IQCM: variants seen among roughly 807,000 people sequenced by gnomAD.
IQCM encodes the protein IQ domain-containing protein M.
IQCM carries 45 observed loss-of-function variants against 57.6 expected under a neutral mutation model. That is an observed-to-expected ratio of 0.78 (90% CI 0.62 to 1.00). IQCM has a LOEUF of 1.00. Ranked by LOEUF, IQCM falls within the 50% of genes least tolerant of loss-of-function variation. The pLI is 0.00. For synonymous variants in IQCM, 148 were observed against 158.9 expected (o/e 0.93, Z 0.51); for missense variants, 468 against 511.6 (o/e 0.91, Z 0.82).
intron 5 of IQCM, among the ~76,000 whole-genome samples, chr4:149,707,296 T>A (rs1345979076): frequency 2.6e-5 from 4 of 152,102 alleles, no homozygotes; most frequent in Admixed American, 6.6e-5. Flanking sequence ...ACTTCCTCAC[T>A]TGCTAAAAAC....
chr4:149,500,104 C>A (rs1743087340), intron 12 of IQCM, among the ~76,000 whole-genome samples: 2 of 152,106 alleles, frequency 1.3e-5, no homozygotes, highest in Non-Finnish European at 2.9e-5. Context: ...TGTCCAAATA[C>A]AATTTGGTTA....
intron 6 of IQCM, among the ~76,000 whole-genome samples, 185 bp downstream of exon 6, chr4:149,686,193 T>C (rs1474927493): frequency 6.6e-6 from 1 of 151,464 alleles, no homozygotes; most frequent in Non-Finnish European, 1.5e-5. Context: ...GTTCAAAAGT[T>C]AATTGAACTG....
At chr4:149,353,096 C>T (rs1344433481) in intron 13 of IQCM, among the ~76,000 whole-genome samples, 1 of 152,014 alleles carries the variant, frequency 6.6e-6, no homozygotes, top group Non-Finnish European at 1.5e-5. Flanking sequence ...CTTATAACAA[C>T]AAGATTAAAT....
chr4:149,487,533 C>T (rs1035471040), intron 12 of IQCM, among the ~76,000 whole-genome samples: 8 of 152,094 alleles, frequency 5.3e-5, no homozygotes, highest in African/African-American at 1.7e-4. Context: ...TCCTAGGCTG[C>T]ATTTTAAGTT....
At chr4:149,587,585 A>T (rs1752758069) in intron 9 of IQCM, among the ~76,000 whole-genome samples, 1 of 151,852 alleles carries the variant, frequency 6.6e-6, no homozygotes, top group African/African-American at 2.4e-5. Flanking sequence ...AAACAAAAAA[A>T]AATAGCTAAA....
intron 7 of IQCM, among the ~76,000 whole-genome samples, chr4:149,629,864 T>G (rs1757108846): frequency 1.3e-5 from 2 of 152,122 alleles, no homozygotes; most frequent in African/African-American, 4.8e-5. Flanking sequence ...GAGAACATTT[T>G]GTATTTGCAA....
intron 7 of IQCM, among the ~76,000 whole-genome samples, chr4:149,661,395 C>T (rs1021739769): frequency 6.6e-6 from 1 of 152,090 alleles, no homozygotes; most frequent in Non-Finnish European, 1.5e-5. Flanking sequence ...CTATGTTCGT[C>T]AAGGATATTG....
chr4:149,503,147 G>A (rs1239841245), intron 12 of IQCM, among the ~76,000 whole-genome samples: 1 of 152,016 alleles, frequency 6.6e-6, no homozygotes, highest in Non-Finnish European at 1.5e-5. Context: ...CTTGAGCCCA[G>A]AAGTTCGAGG....
At chr4:149,754,522 T>G (rs1486695352) in intron 2 of IQCM, among the ~76,000 whole-genome samples, 1 of 152,212 alleles carries the variant, frequency 6.6e-6, no homozygotes, top group Admixed American at 6.5e-5. Flanking sequence ...TTCATGCTGT[T>G]AAATCTAATT....
intron 2 of IQCM, among the ~76,000 whole-genome samples, chr4:149,761,428 G>A (rs1769502541): frequency 6.6e-6 from 1 of 151,896 alleles, no homozygotes; most frequent in Admixed American, 6.6e-5. Flanking sequence ...CCTTAGTTTT[G>A]CTCATGCTGC....
At chr4:149,617,691 A>T (rs540517912) in intron 8 of IQCM, among the ~76,000 whole-genome samples, 1 of 152,348 alleles carries the variant, frequency 6.6e-6, no homozygotes, top group Admixed American at 6.5e-5. Context: ...TACAAAAATT[A>T]GCAGCATTTC....
chr4:149,382,560 G>A (rs1168048638), intron 13 of IQCM, among the ~76,000 whole-genome samples: 1 of 151,926 alleles, frequency 6.6e-6, no homozygotes, highest in African/African-American at 2.4e-5. Flanking sequence ...TTCTCTAGTA[G>A]CAGAATAAGT....
At chr4:149,434,126 C>T (rs1735130648) in intron 12 of IQCM, among the ~76,000 whole-genome samples, 2 of 152,144 alleles carry the variant, frequency 1.3e-5, no homozygotes, top group Middle Eastern at 3.4e-3. Flanking sequence ...CATAACATAC[C>T]TGTAAGGTAA....
chr4:149,402,493 A>G (rs1441580977), intron 13 of IQCM, among the ~76,000 whole-genome samples: 1 of 151,838 alleles, frequency 6.6e-6, no homozygotes, highest in Non-Finnish European at 1.5e-5. Context: ...ACTCTAGGCC[A>G]TGATCAATTA....
At chr4:149,523,405 G>T (rs1024748139) in intron 12 of IQCM, among the ~76,000 whole-genome samples, 1 of 152,134 alleles carries the variant, frequency 6.6e-6, no homozygotes, top group Non-Finnish European at 1.5e-5. Context: ...TCCTCAGGTT[G>T]TCAGGAGAAA....
At position 149,570,013 on chromosome 4, in the gene IQCM, C is replaced by T. The variant is rs187127636; in HGVS notation, c.750-6123G>A. 3.0e-4 allele frequency among the ~76,000 whole-genome samples: 46 copies of T among 152,014 alleles called. No homozygotes were observed. In the Middle Eastern group the frequency reaches 0.014, roughly 45 times the overall value. On this transcript the variant is annotated intron_variant, in intron 9 of 13. Coordinates refer to ENST00000636793, the MANE Select transcript of IQCM (RefSeq NM_001363507.2). ...CCTTTAAATAGTATATAAATGGTTT[C>T]AACTAACCCTTCAGAACTTGAGGGG...
chr4:149,371,677 C>G lies in IQCM; in HGVS notation c.1391-19611G>C, dbSNP rs966213131. 2.6e-5 allele frequency among the ~76,000 whole-genome samples: 4 copies of G among 152,156 alleles called. No homozygotes were observed. In the South Asian group the frequency reaches 8.3e-4, roughly 31 times the overall value. On this transcript the variant is annotated intron_variant, in intron 13 of 13. Coordinates refer to ENST00000636793, the MANE Select transcript of IQCM (RefSeq NM_001363507.2). ...ACATAAAGCTCCACAGAAATATGAC[C>G]TAACTGTCCCTGATTCTCCAAGATT...
intron 12 of IQCM, among the ~76,000 whole-genome samples, chr4:149,470,974 T>A (rs1321017349): frequency 6.6e-6 from 1 of 152,142 alleles, no homozygotes; most frequent in Non-Finnish European, 1.5e-5. Context: ...AAGCAGTGTG[T>A]AGAGGGAAAT....
At chr4:149,675,245 C>G (rs1031273977) in intron 7 of IQCM, among the ~76,000 whole-genome samples, 6 of 151,864 alleles carry the variant, frequency 4.0e-5, no homozygotes, top group African/African-American at 9.7e-5. Context: ...AGAATAGATA[C>G]AAATCAATAG....
Sources: allele counts gnomAD v4.1 joint callset (sites outside exome capture counted in the v4.1 genomes callset), GRCh38; gene constraint gnomAD v4.1.1; transcripts MANE v1.5; gene names NCBI Gene and HGNC (gene_info 2026-07-23, HGNC 2026-07-21).